Variants in ZDHHC22 observed in about 807,000 individuals in gnomAD.
ZDHHC22 encodes the protein zDHHC palmitoyltransferase 22, also known as palmitoyltransferase ZDHHC22.
In ZDHHC22, 13 loss-of-function variants were observed where a neutral mutation model predicts 17.0. That is an observed-to-expected ratio of 0.76 (90% CI 0.50 to 1.21). The LOEUF (loss-of-function observed/expected upper bound fraction) is 1.21. Ranked by LOEUF, ZDHHC22 falls within the 50% of genes most tolerant of loss-of-function variation. The pLI is 0.00. For missense variants in ZDHHC22, 319 were observed against 342.3 expected (o/e 0.93, Z 0.54); for synonymous variants, 138 against 154.7 (o/e 0.89, Z 0.80).
chr14:77,141,450 G>C (rs1169960459), intron 1 of ZDHHC22, 153 bp downstream of exon 1: 2 of 152,820 alleles, frequency 1.3e-5, no homozygotes, highest in African/African-American at 4.8e-5. Flanking sequence ...CTCGCCCGCG[G>C]CAGAGGGCGG....
chr14:77,135,190 T>TGGGGG lies in ZDHHC22; in HGVS notation c.527-1247_527-1243dup, dbSNP rs11350828. On this transcript the variant is annotated intron_variant, in intron 2 of 2. Coordinates refer to ENST00000319374, the MANE Select transcript of ZDHHC22 (RefSeq NM_174976.2). ...AGGGCAACCCTATCACCTCCTCTGG[T>TGGGGG]GGGGGGGGGGCACCTCCTCTAAGGA... Among the ~76,000 whole-genome samples the TGGGGG allele has an allele frequency of 1.2e-3, 176 of 143,690 alleles. 2 individuals are homozygous for TGGGGG. Among genetic ancestry groups the TGGGGG allele is most frequent in the African/African-American group, 3.5e-3 (130 of 37,656 alleles). The allele number at this position is 143,690 out of a possible 152,430, so 94.3% of individuals were successfully genotyped here.
Position 77,133,840 on chromosome 14 carries a change from CG to C in ZDHHC22, c.634del (p.Arg212AlafsTer14). The C allele has an allele frequency of 6.2e-7, 1 of 1,613,628 alleles. No homozygotes were observed. Among genetic ancestry groups the C allele is most frequent in the Non-Finnish European group, 8.5e-7 (1 of 1,179,808 alleles). On this transcript the variant is annotated frameshift_variant, in exon 3 of 3. Coordinates refer to ENST00000319374, the MANE Select transcript of ZDHHC22 (RefSeq NM_174976.2). LOFTEE classifies it high-confidence loss of function. ...CCGCACCTGGTGGCGGGTCTGCCCG[CG>C]GAGGATCAACAGCAGCTGGTGGCAG... Reference protein sequence around the residue: ...FCCHQLLLILRGQTRHQVRKG... With the variant: ...FCCHQLLLILXGQTRHQVRKG...
chr14:77,138,071 A>T (rs74069084), intron 2 of ZDHHC22, among the ~76,000 whole-genome samples: 7 of 152,124 alleles, frequency 4.6e-5, no homozygotes, highest in Admixed American at 2.6e-4. Flanking sequence ...ATACATGCAC[A>T]CTCAAGCACG....
At chr14:77,141,102 T>C (rs1887245758) in intron 1 of ZDHHC22, 1 of 152,084 alleles carries the variant, frequency 6.6e-6, no homozygotes, top group African/African-American at 2.4e-5. Flanking sequence ...TCCCTACCGC[T>C]GGGGCGCAGC....
intron 2 of ZDHHC22, among the ~76,000 whole-genome samples, chr14:77,138,646 G>A (rs1887184197): frequency 1.3e-5 from 2 of 152,192 alleles, no homozygotes; most frequent in South Asian, 2.1e-4. Flanking sequence ...AGGCTGGTGA[G>A]GTCAAACATA....
intron 2 of ZDHHC22, among the ~76,000 whole-genome samples, chr14:77,136,388 A>G (rs1198635639): frequency 6.6e-6 from 1 of 152,198 alleles, no homozygotes; most frequent in African/African-American, 2.4e-5. Flanking sequence ...GGTGGTACAT[A>G]ATAGGTGCTC....
rs1398227857 is a variant in ZDHHC22 at position 77,133,740 on chromosome 14, G to A, written c.735C>T (p.Gly245=). The A allele has an allele frequency of 1.2e-6, 2 of 1,613,876 alleles. No homozygotes were observed. Among genetic ancestry groups the A allele is most frequent in the East Asian group, 2.2e-5 (1 of 44,892 alleles). Residue 245 remains glycine (G), a synonymous_variant, in exon 3 of 3, where the codon GGC becomes GGT. Coordinates refer to ENST00000319374, the MANE Select transcript of ZDHHC22 (RefSeq NM_174976.2). ...QEVFGKRWLL[G]LLVPMFNVGS... ...CGACATTGAACATGGGGACCAGCAG[G>A]CCCAGCAGCCACCTCTTTCCGAAGA...
At chr14:77,141,827 C>G (rs1887262482), upstream of ZDHHC22, 1 of 152,246 alleles carries the variant, frequency 6.6e-6, no homozygotes, top group South Asian at 2.1e-4. Flanking sequence ...TGGGCACCCC[C>G]CAGCCCCGCC....
At chr14:77,137,208 A>G (rs61990309) in intron 2 of ZDHHC22, among the ~76,000 whole-genome samples, 39,518 of 152,012 alleles carry the variant, frequency 0.26, 5,644 homozygotes, top group Middle Eastern at 0.41. Flanking sequence ...AGGTCACAAA[A>G]GATGAGATAG....
chr14:77,136,611 CCT>C (rs1309344530), intron 2 of ZDHHC22, among the ~76,000 whole-genome samples: 1 of 152,190 alleles, frequency 6.6e-6, no homozygotes, highest in African/African-American at 2.4e-5. Flanking sequence ...TAGCCGCCTC[CCT>C]CTCTGGATCA....
chr14:77,133,790 G>T lies in ZDHHC22; in HGVS notation c.685C>A (p.Pro229Thr), dbSNP rs756152238. The T allele has an allele frequency of 6.2e-7, 1 of 1,614,020 alleles. No homozygotes were observed. Among genetic ancestry groups the T allele is most frequent in the Admixed American group, 1.7e-5 (1 of 60,024 alleles). ...ACCTCTTGTAAGTTCTTGCGCCAGGGCCGGGCCCTCACTGCCACCCCCTTC... is the reference window on the plus strand; with the variant it reads ...ACCTCTTGTAAGTTCTTGCGCCAGGTCCGGGCCCTCACTGCCACCCCCTTC... ...VRKGVAVRAR[P>T]WRKNLQEVFG... The change falls in exon 3 of 3, where the codon CCC (proline) becomes ACC (threonine). Residue 229 changes from proline to threonine, a missense_variant. Coordinates refer to ENST00000319374, the MANE Select transcript of ZDHHC22 (RefSeq NM_174976.2).
At chr14:77,134,934 A>C (rs1012987302) in intron 2 of ZDHHC22, among the ~76,000 whole-genome samples, 2 of 152,256 alleles carry the variant, frequency 1.3e-5, no homozygotes, top group African/African-American at 4.8e-5. Flanking sequence ...GTTCACACTC[A>C]GAGCGGTGCT....
rs1039706976 is a variant in ZDHHC22, at chr14:77,131,605, G to A, written c.*2078C>T. The stretch of plus-strand genomic sequence containing the variant: ...TATGGCCAGAATTGTGGGTGAAAAT[G>A]CCCCCAGCGACTCCTCCATTGAGGC... On this transcript the variant is annotated 3_prime_UTR_variant, in exon 3 of 3. Transcript: ENST00000319374. 14 of 152,218 alleles carry A rather than the reference G, an allele frequency of 9.2e-5. No homozygotes were observed. The highest frequency in any genetic ancestry group is 1.9e-4 in the Non-Finnish European group (13 of 68,052). The allele number at this position is 152,218 out of a possible 1,614,324, so 9.4% of individuals were successfully genotyped here. A position where few individuals can be genotyped will look rare whatever the true frequency, so the allele number is the denominator to read the frequency against.
intron 2 of ZDHHC22, among the ~76,000 whole-genome samples, chr14:77,137,088 T>C (rs1443919876): frequency 6.6e-6 from 1 of 152,196 alleles, no homozygotes; most frequent in African/African-American, 2.4e-5. Context: ...TGCTACCAAC[T>C]GTTCGGATTG....
In ZDHHC22 at chr14:77,132,454, T is replaced by G. The variant is rs1362575813; in HGVS notation, c.*1229A>C. The stretch of plus-strand genomic sequence containing the variant: ...CCACACTCCCCTCTAGGAAAGCAAA[T>G]ATCTCACAGGCATCTCTGCAGATCT... On this transcript the variant is annotated 3_prime_UTR_variant, in exon 3 of 3. Coordinates refer to ENST00000319374, the MANE Select transcript of ZDHHC22 (RefSeq NM_174976.2). 6.6e-6 allele frequency: 1 copy of G among 152,098 alleles called. No individual in the cohort carries two copies. Among genetic ancestry groups the G allele is most frequent in the Non-Finnish European group, 1.5e-5 (1 of 68,048 alleles). The allele number at this position is 152,098 out of a possible 1,614,324, so 9.4% of individuals were successfully genotyped here.
chr14:77,135,477 T>A (rs796588091), intron 2 of ZDHHC22, among the ~76,000 whole-genome samples: 7,850 of 151,430 alleles, frequency 0.052, 551 homozygotes, highest in African/African-American at 0.15. Flanking sequence ...TGTATTATTT[T>A]TTTTTTTTTT....
At chr14:77,138,561 T>TAAAA (rs200809050) in intron 2 of ZDHHC22, among the ~76,000 whole-genome samples, 1 of 145,398 alleles carries the variant, frequency 6.9e-6, no homozygotes, top group African/African-American at 2.5e-5. Flanking sequence ...GACTCTGTCT[T>TAAAA]AAAAAAAAAA....
At chr14:77,138,401 T>C (rs766730383) in intron 2 of ZDHHC22, among the ~76,000 whole-genome samples, 26 of 152,082 alleles carry the variant, frequency 1.7e-4, no homozygotes, top group Non-Finnish European at 3.1e-4. Context: ...CTACTAAAAA[T>C]ACAAAAATTA....
intron 2 of ZDHHC22, among the ~76,000 whole-genome samples, chr14:77,136,108 A>C (rs897128689): frequency 4.6e-5 from 7 of 152,166 alleles, no homozygotes; most frequent in African/African-American, 1.7e-4. Flanking sequence ...TTTTTAATAC[A>C]TCCAAGGACA....
Sources: allele counts gnomAD v4.1 joint callset (sites outside exome capture counted in the v4.1 genomes callset), GRCh38; gene constraint gnomAD v4.1.1; transcripts MANE v1.5; gene names NCBI Gene and HGNC (gene_info 2026-07-23, HGNC 2026-07-21).